The following GLG1 variants were observed in gnomAD, a reference collection of about 807,000 sequenced individuals.
GLG1 encodes the protein golgi glycoprotein 1, also known as Golgi apparatus protein 1.
In GLG1, 38 loss-of-function variants were observed where a neutral mutation model predicts 160.5. The ratio of observed to expected loss-of-function variants is 0.24; its 90% CI spans 0.18 to 0.31. The LOEUF (loss-of-function observed/expected upper bound fraction) is 0.31, where lower values mean the gene tolerates loss of function less well. Ranked by LOEUF, GLG1 falls within the 10% of genes least tolerant of loss-of-function variation. The pLI is 1.00. For synonymous variants in GLG1, 644 were observed against 543.4 expected (o/e 1.19, Z -2.57); for missense variants, 1,373 against 1,505.2 (o/e 0.91, Z 1.45).
At chr16:74,520,089 CT>C (rs2017113278) in intron 2 of GLG1, among the ~76,000 whole-genome samples, 1 of 152,212 alleles carries the variant, frequency 6.6e-6, no homozygotes, top group Non-Finnish European at 1.5e-5. Context: ...TCCTCAATCT[CT>C]TTACTAGAAA....
At chr16:74,499,181 T>C (rs1366863166) in intron 4 of GLG1, among the ~76,000 whole-genome samples, 2 of 151,588 alleles carry the variant, frequency 1.3e-5, no homozygotes, top group East Asian at 3.9e-4. Context: ...GGGGTTAATC[T>C]GGGTGAGTGG....
At position 74,452,456 on chromosome 16, in the gene GLG1, T is replaced by A; in HGVS notation, c.*711A>T. ...TTGTCTAGGAAGGCTCATGCTTTGC[T>A]TCAATGAAGCGAGGAGACCACAGAA... On this transcript the variant is annotated 3_prime_UTR_variant, in exon 26 of 26. Coordinates refer to ENST00000422840, the MANE Select transcript of GLG1 (RefSeq NM_001145667.2). 1 of 1,096,086 alleles carries A rather than the reference T, an allele frequency of 9.1e-7. No homozygotes were observed. Among genetic ancestry groups the A allele is most frequent in the Non-Finnish European group, 1.1e-6 (1 of 894,160 alleles). The allele number at this position is 1,096,086 out of a possible 1,614,324, so 67.9% of individuals were successfully genotyped here. A position where few individuals can be genotyped will look rare whatever the true frequency, so the allele number is the denominator to read the frequency against.
chr16:74,452,328 C>G lies in GLG1; in HGVS notation c.*839G>C, dbSNP rs1228294762. The G allele has an allele frequency of 1.4e-6, 2 of 1,395,984 alleles. No individual in the cohort carries two copies. The highest frequency in any genetic ancestry group is 1.9e-6 in the Non-Finnish European group (2 of 1,074,668). The allele number at this position is 1,395,984 out of a possible 1,614,324, so 86.5% of individuals were successfully genotyped here. On this transcript the variant is annotated 3_prime_UTR_variant, in exon 26 of 26. Transcript: ENST00000422840. ...GTGCTGCCCTGGAGGAGGAAGGTTC[C>G]TGGGATCCTGCTGCCCCGGGACTCA...
At chr16:74,605,112 TCTTC>T (rs1958535543) in intron 1 of GLG1, among the ~76,000 whole-genome samples, 4 of 152,200 alleles carry the variant, frequency 2.6e-5, no homozygotes, top group Admixed American at 2.6e-4. Context: ...TTCACAGTAC[TCTTC>T]CTTCATTATT....
At chr16:74,473,776 G>A (rs2015299769) in intron 13 of GLG1, among the ~76,000 whole-genome samples, 1 of 151,960 alleles carries the variant, frequency 6.6e-6, no homozygotes, top group Non-Finnish European at 1.5e-5. Context: ...TGGGTTTCAG[G>A]ATGGAACAGG....
chr16:74,452,464 A>T lies in GLG1; in HGVS notation c.*703T>A. The T allele has an allele frequency of 9.2e-7, 1 of 1,081,548 alleles. No individual in the cohort carries two copies. The highest frequency in any genetic ancestry group is 1.1e-6 in the Non-Finnish European group (1 of 885,374). 67.0% of individuals were successfully genotyped at this position (1,081,548 alleles called of 1,614,324 possible). A position where few individuals can be genotyped will look rare whatever the true frequency, so the allele number is the denominator to read the frequency against. ...GAAGGCTCATGCTTTGCTTCAATGA[A>T]GCGAGGAGACCACAGAAATACCCAT... On this transcript the variant is annotated 3_prime_UTR_variant, in exon 26 of 26. Coordinates refer to ENST00000422840, the MANE Select transcript of GLG1 (RefSeq NM_001145667.2).
In GLG1 at chr16:74,456,641, G is replaced by A; in HGVS notation, c.3372+8C>T. 6.4e-7 allele frequency: 1 copy of A among 1,554,278 alleles called. No individual in the cohort carries two copies. Among genetic ancestry groups the A allele is most frequent in the South Asian group, 1.1e-5 (1 of 87,534 alleles). On this transcript the variant is annotated splice_region_variant and intron_variant, in intron 25 of 25. Transcript: ENST00000422840. ...TTTTTTAAAAAAGGAGATTCTCTTGGTCATTACCTTTGCTGCGTAACTCCA... is the reference window on the plus strand; with the variant it reads ...TTTTTTAAAAAAGGAGATTCTCTTGATCATTACCTTTGCTGCGTAACTCCA...
At chr16:74,523,414 C>T (rs544720675) in intron 2 of GLG1, among the ~76,000 whole-genome samples, 10 of 152,102 alleles carry the variant, frequency 6.6e-5, no homozygotes, top group Non-Finnish European at 1.2e-4. Context: ...TCTTCAAGAT[C>T]GCTTTGGCTG....
chr16:74,522,301 C>T (rs1263101952), intron 2 of GLG1, among the ~76,000 whole-genome samples: 3 of 152,202 alleles, frequency 2.0e-5, no homozygotes, highest in African/African-American at 7.2e-5. Context: ...AGTAAAATGG[C>T]TGTATCATTT....
At chr16:74,455,169 C>T (rs1174387678) in intron 25 of GLG1, among the ~76,000 whole-genome samples, 2 of 152,186 alleles carry the variant, frequency 1.3e-5, no homozygotes, top group African/African-American at 2.4e-5. Context: ...CTTTCCCTAA[C>T]GGACCTTGAT....
At chr16:74,553,208 A>T (rs183468872) in intron 1 of GLG1, among the ~76,000 whole-genome samples, 10 of 150,374 alleles carry the variant, frequency 6.7e-5, no homozygotes, top group South Asian at 2.1e-4. Context: ...CAACAAGAGC[A>T]AACTCTGTCT....
chr16:74,499,102 G>A (rs2016317268), intron 4 of GLG1, among the ~76,000 whole-genome samples: 1 of 152,150 alleles, frequency 6.6e-6, no homozygotes, highest in Non-Finnish European at 1.5e-5. Flanking sequence ...CAGAGGCTCA[G>A]AGGAGTTAAC....
At chr16:74,587,491 G>A (rs185052195) in intron 1 of GLG1, among the ~76,000 whole-genome samples, 12 of 152,236 alleles carry the variant, frequency 7.9e-5, no homozygotes, top group Admixed American at 6.5e-4. Flanking sequence ...TTGTAAAGCA[G>A]GAATATGACT....
chr16:74,602,717 A>G (rs574698307), intron 1 of GLG1, among the ~76,000 whole-genome samples: 3 of 151,862 alleles, frequency 2.0e-5, no homozygotes, highest in Non-Finnish European at 2.9e-5. Flanking sequence ...CGGGAGGCTG[A>G]GGTTGCAGTG....
chr16:74,549,549 G>A (rs910808068), intron 1 of GLG1, among the ~76,000 whole-genome samples: 2 of 152,142 alleles, frequency 1.3e-5, no homozygotes, highest in African/African-American at 4.8e-5. Context: ...GCTTCCCAAG[G>A]TGCCAAGATT....
intron 23 of GLG1, among the ~76,000 whole-genome samples, chr16:74,458,546 G>A (rs1345077680): frequency 2.6e-5 from 4 of 152,182 alleles, no homozygotes; most frequent in East Asian, 1.9e-4. Flanking sequence ...GGGCATAATC[G>A]TGTGCCCTGT....
intron 1 of GLG1, among the ~76,000 whole-genome samples, chr16:74,600,922 C>T (rs1958426603): frequency 6.6e-6 from 1 of 152,200 alleles, no homozygotes; most frequent in African/African-American, 2.4e-5. Flanking sequence ...ACAACAATCT[C>T]ACTTATCAAA....
At chr16:74,594,075 T>C (rs1958246468) in intron 1 of GLG1, among the ~76,000 whole-genome samples, 1 of 151,904 alleles carries the variant, frequency 6.6e-6, no homozygotes, top group Non-Finnish European at 1.5e-5. Flanking sequence ...TCTGGCTAAT[T>C]TTTTTATTGG....
At chr16:74,600,396 G>C (rs756577017) in intron 1 of GLG1, among the ~76,000 whole-genome samples, 41 of 150,746 alleles carry the variant, frequency 2.7e-4, no homozygotes, top group Non-Finnish European at 5.0e-4. Context: ...GACTTTCAAA[G>C]AAAAAAAAGA....
Sources: gnomAD v4.1 joint callset for allele counts (sites outside exome capture counted in the v4.1 genomes callset) on GRCh38, gnomAD v4.1.1 for gene constraint, MANE v1.5 for transcripts, NCBI Gene and HGNC (gene_info 2026-07-23, HGNC 2026-07-21) for gene names.